The following CAPN3 variants were observed in gnomAD, a reference collection of about 807,000 sequenced individuals.
CAPN3 encodes calpain-3.
In CAPN3, 88 loss-of-function variants were observed where a neutral mutation model predicts 114.0. The ratio of observed to expected loss-of-function variants is 0.77; its 90% CI spans 0.65 to 0.92. The LOEUF (loss-of-function observed/expected upper bound fraction) is 0.92. Among genes scored for constraint, CAPN3 ranks in the 40% least tolerant of loss-of-function variants. The pLI, the probability that CAPN3 is intolerant of heterozygous loss-of-function variation, is 0.00. For synonymous variants in CAPN3, 386 were observed against 382.9 expected, an observed-to-expected ratio of 1.01 and a Z score of -0.09; for missense variants, 1,028 against 1,069.0, an observed-to-expected ratio of 0.96 and a Z score of 0.53.
intron 21 of CAPN3, 99 bp from the exon 22 acceptor site, chr15:42,410,785 C>T (rs962210109): frequency 1.0e-4 from 137 of 1,372,652 alleles, no homozygotes; most frequent in Non-Finnish European, 1.4e-4. Context: ...TTCTCACTTT[C>T]CCTTCCCAGG....
intron 11 of CAPN3, 21 bp downstream of exon 11, chr15:42,401,831 C>T (rs1367049336): frequency 6.2e-7 from 1 of 1,606,962 alleles, no homozygotes; most frequent in Non-Finnish European, 8.5e-7. Context: ...CTGATTGGCT[C>T]CAGCCCAGGA....
chr15:42,366,178 A>G lies in CAPN3; in HGVS notation c.309+6064A>G, dbSNP rs980637235. On this transcript the variant is annotated intron_variant, in intron 1 of 23. Coordinates refer to ENST00000397163, the MANE Select transcript of CAPN3 (RefSeq NM_000070.3). ...ATGTGAGGGAAATTGTGAAATGTAA[A>G]ACGTGAGGGAGAAAAGCATTCAGAA... Among the ~76,000 whole-genome samples, 5 of 152,218 alleles carry G rather than the reference A, an allele frequency of 3.3e-5. No individual in the cohort carries two copies. The East Asian group carries it at 9.6e-4, about 29-fold the overall frequency.
At chr15:42,362,972 AT>A (rs967498610) in intron 1 of CAPN3, among the ~76,000 whole-genome samples, 3 of 151,982 alleles carry the variant, frequency 2.0e-5, no homozygotes, top group Non-Finnish European at 2.9e-5. Flanking sequence ...ACCAATCTGA[AT>A]TTTTTTTCGA....
intron 1 of CAPN3, among the ~76,000 whole-genome samples, chr15:42,363,813 G>A (rs559167956): frequency 6.6e-6 from 1 of 152,278 alleles, no homozygotes; most frequent in Admixed American, 6.5e-5. Flanking sequence ...ACTTTACAAA[G>A]GAGGGAACTG....
rs1287318141 is a variant in CAPN3 at position 42,404,041 on chromosome 15, G to GAGA, written c.1782+264_1782+265insAGA. 5.6e-6 allele frequency: 3 copies of GAGA among 540,146 alleles called. No homozygotes were observed. The African/African-American group carries it at 1.2e-4, about 21-fold the overall frequency. 33.5% of individuals were successfully genotyped at this position (540,146 alleles called of 1,614,324 possible). A position where few individuals can be genotyped will look rare whatever the true frequency, so the allele number is the denominator to read the frequency against. ...GAAAGGAGAAGCAATTTGAACAATC[G>GAGA]GAGGGAACAAGGCCACAGGAAGGGA... On this transcript the variant is annotated intron_variant, in intron 14 of 23. Coordinates refer to ENST00000397163, the MANE Select transcript of CAPN3 (RefSeq NM_000070.3).
intron 14 of CAPN3, among the ~76,000 whole-genome samples, chr15:42,405,344 CTT>C (rs930402691): frequency 4.6e-5 from 7 of 152,150 alleles, no homozygotes; most frequent in African/African-American, 1.7e-4. Context: ...GAGTTTCACT[CTT>C]GTCACCCAGG....
At chr15:42,399,345 C>A in intron 9 of CAPN3, 147 bp from the exon 10 acceptor site, 1 of 675,726 alleles carries the variant, frequency 1.5e-6, no homozygotes, top group South Asian at 1.7e-5. Context: ...AGCGTTTGCC[C>A]TAAAAAGGAA....
In CAPN3 at chr15:42,401,819, T is replaced by C; in HGVS notation, c.1524+9T>C. 6.2e-7 allele frequency: 1 copy of C among 1,611,348 alleles called. No homozygotes were observed. Among genetic ancestry groups the C allele is most frequent in the Non-Finnish European group, 8.5e-7 (1 of 1,178,660 alleles). On this transcript the variant is annotated intron_variant, in intron 11 of 23. Coordinates refer to ENST00000397163, the MANE Select transcript of CAPN3 (RefSeq NM_000070.3). ...GCTTCGCCATCTACGAGGTGTGCAG[T>C]CCTGATTGGCTCCAGCCCAGGAAAC...
intron 7 of CAPN3, 35 bp downstream of exon 7, chr15:42,392,757 C>G (rs1255150731): frequency 6.4e-7 from 1 of 1,563,800 alleles, no homozygotes; most frequent in East Asian, 2.2e-5. Flanking sequence ...GCAAGGGCAC[C>G]CTCCTGGGTT....
intron 6 of CAPN3, 123 bp from the exon 7 acceptor site, chr15:42,392,516 C>T (rs2141176283): frequency 1.3e-6 from 1 of 749,548 alleles, no homozygotes; most frequent in East Asian, 2.8e-5. Flanking sequence ...GGCACACTTT[C>T]AGGGAGCAGA....
rs1382700455 is a variant in CAPN3, at chr15:42,390,073, G to C, written c.922G>C (p.Gly308Arg). Residue 308 changes from glycine to arginine, a missense_variant, in exon 6 of 24, where the codon GGC becomes CGC. By Grantham distance (125) the Gly-to-Arg change is moderately radical. Coordinates refer to ENST00000397163, the MANE Select transcript of CAPN3 (RefSeq NM_000070.3). ...LLQDSDLDPR[G>R]SDERPTRTII... is the part of the protein sequence containing the mutation. ...CCAGGACTCAGACCTCGACCCCAGAGGCTCAGATGAAAGACCGACCCGGGT... is the reference window on the plus strand; with the variant it reads ...CCAGGACTCAGACCTCGACCCCAGACGCTCAGATGAAAGACCGACCCGGGT... 28 of 1,614,014 alleles carry C rather than the reference G, an allele frequency of 1.7e-5. No individual in the cohort carries two copies. The highest frequency in any genetic ancestry group is 2.3e-5 in the Non-Finnish European group (27 of 1,180,040).
rs1392565832 is a variant in CAPN3, at chr15:42,359,856, C to T, written c.51C>T (p.Pro17=). ...TGGCTCCAAGGACAGCGGCTGAGCC[C>T]CGGTCCCCAGGGCCAGTTCCTCACC... ...ASVAPRTAAE[P]RSPGPVPHPA... The change falls in exon 1 of 24, where the codon CCC becomes CCT. Residue 17 remains proline, a synonymous_variant. Coordinates refer to ENST00000397163, the MANE Select transcript of CAPN3 (RefSeq NM_000070.3). The T allele has an allele frequency of 6.2e-7, 1 of 1,614,184 alleles. No individual in the cohort carries two copies. Among genetic ancestry groups the T allele is most frequent in the Non-Finnish European group, 8.5e-7 (1 of 1,180,034 alleles).
At position 42,380,751 on chromosome 15, in the gene CAPN3, ATTTT is replaced by A. The variant is rs59923448; in HGVS notation, c.310-3715_310-3712del. ...CCCATATATATATATATATATATAT[ATTTT>A]TTTTTTTTTTTTTTTTGTAAAGATG... is the stretch of plus-strand genomic sequence containing the variant. On this transcript the variant is annotated intron_variant, in intron 1 of 23. Coordinates refer to ENST00000397163, the MANE Select transcript of CAPN3 (RefSeq NM_000070.3). 6.7e-3 allele frequency among the ~76,000 whole-genome samples: 431 copies of A among 64,406 alleles called. 1 individual carries two copies. Among genetic ancestry groups the A allele is most frequent in the African/African-American group, 0.01 (114 of 11,164 alleles). The allele number at this position is 64,406 out of a possible 152,430, so 42.3% of individuals were successfully genotyped here. A position where few individuals can be genotyped will look rare whatever the true frequency, so the allele number is the denominator to read the frequency against.
At chr15:42,401,864 G>A (rs1401066886) in intron 11 of CAPN3, 54 bp downstream of exon 11, 7 of 1,555,290 alleles carry the variant, frequency 4.5e-6, no homozygotes, top group African/African-American at 1.4e-5. Flanking sequence ...CAGGGAGGAC[G>A]CTTCCAGGGG....
chr15:42,390,957 A>G (rs1002887255), intron 6 of CAPN3, among the ~76,000 whole-genome samples: 2 of 151,408 alleles, frequency 1.3e-5, no homozygotes, highest in Non-Finnish European at 2.9e-5. Context: ...ACACATGGCT[A>G]ATTTTTGTAT....
intron 1 of CAPN3, among the ~76,000 whole-genome samples, chr15:42,379,191 A>G (rs2053172590): frequency 6.6e-6 from 1 of 152,174 alleles, no homozygotes; most frequent in Non-Finnish European, 1.5e-5. Context: ...ATGCATCTGT[A>G]ATCCCAGCTA....
Position 42,399,609 on chromosome 15 carries a change from C to T in CAPN3, c.1311C>T (p.Arg437=). The T allele has an allele frequency of 6.2e-7, 1 of 1,613,286 alleles. No homozygotes were observed. Among genetic ancestry groups the T allele is most frequent in the Non-Finnish European group, 8.5e-7 (1 of 1,179,788 alleles). Residue 437 remains arginine (R), a synonymous_variant, in exon 10 of 24, where the codon CGC becomes CGT. Coordinates refer to ENST00000397163, the MANE Select transcript of CAPN3 (RefSeq NM_000070.3). ...GGACAGTGTCTGTGAACGAGGGCCG[C>T]TGGGTACGGGGTTGCTCTGCCGGAG... ...QTWTVSVNEG[R]WVRGCSAGGC... is the part of the protein sequence containing the mutation.
At chr15:42,374,039 C>T (rs550482810) in intron 1 of CAPN3, among the ~76,000 whole-genome samples, 7 of 152,256 alleles carry the variant, frequency 4.6e-5, no homozygotes, top group East Asian at 3.9e-4. Flanking sequence ...CAGACCACTG[C>T]GGTCTGTCCT....
chr15:42,397,355 G>A (rs2053725059), intron 9 of CAPN3, among the ~76,000 whole-genome samples: 1 of 152,108 alleles, frequency 6.6e-6, no homozygotes, highest in South Asian at 2.1e-4. Flanking sequence ...AAAATTGTTT[G>A]CTTAAGCCGG....
Sources: allele counts gnomAD v4.1 joint callset (sites outside exome capture counted in the v4.1 genomes callset), GRCh38; gene constraint gnomAD v4.1.1; transcripts MANE v1.5; gene names NCBI Gene and HGNC (gene_info 2026-07-23, HGNC 2026-07-21).